The following GNAQ variants were observed in gnomAD, a reference collection of about 807,000 sequenced individuals.
GNAQ encodes guanine nucleotide-binding protein G(q) subunit alpha.
A neutral mutation model predicts 43.9 loss-of-function variants in GNAQ; 8 were observed. That is an observed-to-expected ratio of 0.18 (90% CI 0.11 to 0.33). GNAQ has a LOEUF of 0.33. Ranked by LOEUF, GNAQ falls within the 10% of genes least tolerant of loss-of-function variation. The pLI, the probability that GNAQ is intolerant of heterozygous loss-of-function variation, is 1.00. For synonymous variants in GNAQ, 155 were observed against 170.7 expected, an observed-to-expected ratio of 0.91 and a Z score of 0.71; for missense variants, 158 against 450.8, an observed-to-expected ratio of 0.35 and a Z score of 5.88.
chr9:77,910,226 T>C (rs190905816), intron 2 of GNAQ, among the ~76,000 whole-genome samples: 1 of 152,304 alleles, frequency 6.6e-6, no homozygotes, highest in Admixed American at 6.5e-5. Context: ...ACTTCTCCAG[T>C]GGCGTAAAAA....
At chr9:77,764,311 G>A (rs1826098946) in intron 5 of GNAQ, among the ~76,000 whole-genome samples, 1 of 152,080 alleles carries the variant, frequency 6.6e-6, no homozygotes, top group South Asian at 2.1e-4. Flanking sequence ...TCAATGGGTA[G>A]ATTAGTGGAA....
At chr9:77,903,819 T>C (rs1418467786) in intron 2 of GNAQ, among the ~76,000 whole-genome samples, 1 of 152,154 alleles carries the variant, frequency 6.6e-6, no homozygotes, top group Non-Finnish European at 1.5e-5. Flanking sequence ...GCCAGTTTTC[T>C]AACTGCCACT....
chr9:77,832,258 C>A (rs1055963164), intron 2 of GNAQ, among the ~76,000 whole-genome samples: 3 of 152,134 alleles, frequency 2.0e-5, no homozygotes, highest in Non-Finnish European at 4.4e-5. Context: ...GTTTCATCTA[C>A]AAGGACACTG....
chr9:77,863,220 G>GGAAGGAAGGAAGGAAGGAAGGGAGGA (rs1564133751), intron 2 of GNAQ, among the ~76,000 whole-genome samples: 56 of 34,248 alleles, frequency 1.6e-3, no homozygotes, highest in African/African-American at 3.0e-3. Context: ...GGAAGGAAGG[G>GGAAGGAAGGAAGGAAGGAAGGGAGGA]AGGAAGGAAG....
At chr9:77,790,291 TCAGG>T (rs1450141067) in intron 5 of GNAQ, among the ~76,000 whole-genome samples, 2 of 152,224 alleles carry the variant, frequency 1.3e-5, no homozygotes, top group African/African-American at 4.8e-5. Flanking sequence ...CAATTTTTAG[TCAGG>T]TTTTCCCCGC....
At chr9:77,907,204 A>G (rs1303284404) in intron 2 of GNAQ, among the ~76,000 whole-genome samples, 1 of 152,136 alleles carries the variant, frequency 6.6e-6, no homozygotes, top group African/African-American at 2.4e-5. Flanking sequence ...TTTGTGACCA[A>G]GTTTTTCATA....
intron 5 of GNAQ, among the ~76,000 whole-genome samples, chr9:77,787,551 A>T (rs1826500843): frequency 6.6e-6 from 1 of 152,220 alleles, no homozygotes; most frequent in Admixed American, 6.5e-5. Flanking sequence ...TTAAATCCTT[A>T]CTTCCTACCA....
intron 2 of GNAQ, among the ~76,000 whole-genome samples, chr9:77,852,490 A>C (rs1288722801): frequency 6.6e-6 from 1 of 152,222 alleles, no homozygotes. Flanking sequence ...CACATCTGCT[A>C]AACAGGGTGT....
Position 78,031,037 on chromosome 9 carries a change from C to G in GNAQ, c.136+63G>C, listed in dbSNP as rs1051528854. The G allele has an allele frequency of 4.1e-5, 51 of 1,229,518 alleles. 2 individuals carry two copies. The Middle Eastern group carries it at 1.5e-3, about 37-fold the overall frequency. 76.2% of individuals were successfully genotyped at this position (1,229,518 alleles called of 1,614,324 possible). A position where few individuals can be genotyped will look rare whatever the true frequency, so the allele number is the denominator to read the frequency against. ...GCGGGGGCGCCGAAGGCAGCTGCCC[C>G]GCAGGGCCAAGGATGGTGGGCTGGG... On this transcript the variant is annotated intron_variant, in intron 1 of 6. Coordinates refer to ENST00000286548, the MANE Select transcript of GNAQ (RefSeq NM_002072.5).
At chr9:77,961,654 A>C (rs1045701588) in intron 1 of GNAQ, among the ~76,000 whole-genome samples, 2 of 152,186 alleles carry the variant, frequency 1.3e-5, no homozygotes, top group African/African-American at 2.4e-5. Context: ...GGCTGCTCTA[A>C]ACTTACCCTA....
chr9:77,758,605 A>T (rs921083988), intron 5 of GNAQ, among the ~76,000 whole-genome samples: 2 of 152,214 alleles, frequency 1.3e-5, no homozygotes, highest in African/African-American at 4.8e-5. Flanking sequence ...TTTCTCCTGT[A>T]TCATTTCAGA....
rs754786107 is a variant in GNAQ, at chr9:77,718,726, A to ATTTTTTT, written c.*2590_*2596dup. The ATTTTTTT allele has an allele frequency of 4.4e-3, 498 of 114,208 alleles. 53 individuals carry two copies. The highest frequency in any genetic ancestry group is 8.8e-3 in the African/African-American group (202 of 22,962). The allele number at this position is 114,208 out of a possible 1,614,324, so 7.1% of individuals were successfully genotyped here. A position where few individuals can be genotyped will look rare whatever the true frequency, so the allele number is the denominator to read the frequency against. On this transcript the variant is annotated 3_prime_UTR_variant, in exon 7 of 7. Transcript: ENST00000286548. ...GTAGGCCTTCAAATGTTGTTGTTTA[A>ATTTTTTT]TTTTTTTTTTTTTTTTTTTTTTTTT... is the stretch of plus-strand genomic sequence containing the variant.
chr9:77,792,564 A>T (rs1250650881), intron 5 of GNAQ, among the ~76,000 whole-genome samples: 1 of 152,196 alleles, frequency 6.6e-6, no homozygotes, highest in Non-Finnish European at 1.5e-5. Context: ...CTGAAGAACC[A>T]GATTCAATTC....
Position 77,769,664 on chromosome 9 carries a change from C to CTT in GNAQ, c.735+24797_735+24798dup, listed in dbSNP as rs539379703. Among the ~76,000 whole-genome samples, 230 of 129,092 alleles carry CTT rather than the reference C, an allele frequency of 1.8e-3. 3 individuals carry two copies. The highest frequency in any genetic ancestry group is 4.2e-3 in the Middle Eastern group (1 of 240). 84.7% of individuals were successfully genotyped at this position (129,092 alleles called of 152,430 possible). A position where few individuals can be genotyped will look rare whatever the true frequency, so the allele number is the denominator to read the frequency against. ...TCTTTAGTAGAAAAAGACAAGAACT[C>CTT]TTTTTTTTTTTTTTTTTTGGGATGG... On this transcript the variant is annotated intron_variant, in intron 5 of 6. Transcript: ENST00000286548.
intron 2 of GNAQ, among the ~76,000 whole-genome samples, chr9:77,877,675 C>T (rs1301147456): frequency 1.3e-5 from 2 of 152,130 alleles, no homozygotes; most frequent in Non-Finnish European, 2.9e-5. Context: ...CTTAAAATAA[C>T]TAATTCATAA....
chr9:77,953,650 C>T (rs1159154716), intron 1 of GNAQ, among the ~76,000 whole-genome samples: 1 of 152,210 alleles, frequency 6.6e-6, no homozygotes, highest in Non-Finnish European at 1.5e-5. Flanking sequence ...GGCAGGCCTT[C>T]TTTCTTAACA....
At position 77,870,282 on chromosome 9, in the gene GNAQ, G is replaced by T. The variant is rs114693602; in HGVS notation, c.321+51879C>A. Among the ~76,000 whole-genome samples the T allele has an allele frequency of 7.3e-3, 1,080 of 147,874 alleles. 21 individuals carry two copies. The highest frequency in any genetic ancestry group is 0.025 in the African/African-American group (1,008 of 40,380). ...CATATAAATGAGGTTACAGGAAGCA[G>T]TTTGAAACCTCAAGAAAGCTTGATG... is the stretch of plus-strand genomic sequence containing the variant. On this transcript the variant is annotated intron_variant, in intron 2 of 6. Coordinates refer to ENST00000286548, the MANE Select transcript of GNAQ (RefSeq NM_002072.5).
intron 1 of GNAQ, among the ~76,000 whole-genome samples, chr9:77,981,928 T>C (rs1400234337): frequency 6.6e-6 from 1 of 152,190 alleles, no homozygotes; most frequent in Non-Finnish European, 1.5e-5. Context: ...AACTGTGGAA[T>C]TATGAATTTA....
At chr9:77,736,198 G>A (rs1825574784) in intron 5 of GNAQ, among the ~76,000 whole-genome samples, 1 of 152,132 alleles carries the variant, frequency 6.6e-6, no homozygotes, top group Admixed American at 6.5e-5. Context: ...CGTAGAGAAT[G>A]TTTCTTCCTA....
Sources: allele counts gnomAD v4.1 joint callset (sites outside exome capture counted in the v4.1 genomes callset), GRCh38; gene constraint gnomAD v4.1.1; transcripts MANE v1.5; gene names NCBI Gene and HGNC (gene_info 2026-07-23, HGNC 2026-07-21).